NEK10: variants seen among roughly 807,000 people sequenced by gnomAD.
The protein encoded by NEK10 is NIMA related kinase 10, also known as serine/threonine-protein kinase Nek10.
A neutral mutation model predicts 159.8 loss-of-function variants in NEK10; 122 were observed. The observed-to-expected ratio is 0.76, with a 90% CI of 0.66 to 0.89. The LOEUF is 0.89. Ranked by LOEUF, NEK10 falls within the 40% of genes least tolerant of loss-of-function variation. The pLI is 0.00. For missense variants in NEK10, 1,342 were observed against 1,323.1 expected, an observed-to-expected ratio of 1.01 and a Z score of -0.22; for synonymous variants, 466 against 457.1, an observed-to-expected ratio of 1.02 and a Z score of -0.25.
At chr3:27,157,272 A>C (rs972638999) in intron 30 of NEK10, among the ~76,000 whole-genome samples, 1 of 151,834 alleles carries the variant, frequency 6.6e-6, no homozygotes, top group Admixed American at 6.6e-5. Flanking sequence ...CTCACAAATC[A>C]CCACTAAAGA....
chr3:27,158,119 C>G lies in NEK10; in HGVS notation c.2869+4582G>C, dbSNP rs561739613. Reference sequence around the variant, plus strand: ...TTATTGCTGTTGGCCGGGACGGAACCTGCAATATCTGTGAGATACACCTAT... The same window carrying G: ...TTATTGCTGTTGGCCGGGACGGAACGTGCAATATCTGTGAGATACACCTAT... On this transcript the variant is annotated intron_variant, in intron 30 of 35. Transcript: ENST00000691995. Among the ~76,000 whole-genome samples the G allele has an allele frequency of 3.3e-5, 5 of 152,198 alleles. No individual in the cohort carries two copies. The South Asian group carries it at 1.0e-3, about 32-fold the overall frequency.
intron 1 of NEK10, among the ~76,000 whole-genome samples, chr3:27,368,712 TTAG>T (rs1234030641): frequency 1.3e-5 from 2 of 152,008 alleles, no homozygotes; most frequent in Non-Finnish European, 2.9e-5. Context: ...GGTCTGACAG[TTAG>T]TAGAGCAGGC....
chr3:27,251,953 C>G (rs1396856132), intron 23 of NEK10, among the ~76,000 whole-genome samples: 1 of 152,068 alleles, frequency 6.6e-6, no homozygotes, highest in Non-Finnish European at 1.5e-5. Context: ...TTTCTTCAGG[C>G]TTTATTAGGG....
intron 22 of NEK10, among the ~76,000 whole-genome samples, chr3:27,276,032 G>A (rs1412855285): frequency 2.6e-5 from 4 of 151,934 alleles, no homozygotes; most frequent in African/African-American, 7.3e-5. Flanking sequence ...GACAATCTTG[G>A]CTATCAGAAG....
At chr3:27,243,049 A>AT (rs1954720536) in intron 23 of NEK10, among the ~76,000 whole-genome samples, 1 of 152,100 alleles carries the variant, frequency 6.6e-6, no homozygotes, top group Admixed American at 6.5e-5. Context: ...GTTTTAAAGG[A>AT]TTTTTTTAAA....
chr3:27,289,884 C>T (rs2149485097), intron 19 of NEK10, among the ~76,000 whole-genome samples: 1 of 152,280 alleles, frequency 6.6e-6, no homozygotes, highest in Middle Eastern at 3.4e-3. Flanking sequence ...ACAAAGGTCT[C>T]CTTGTTTATG....
At chr3:27,217,332 C>T (rs377058275) in intron 23 of NEK10, among the ~76,000 whole-genome samples, 2 of 152,136 alleles carry the variant, frequency 1.3e-5, no homozygotes, top group Non-Finnish European at 2.9e-5. Flanking sequence ...TTTTAAGTGG[C>T]GCACAGGCTA....
intron 31 of NEK10, 136 bp from the exon 32 acceptor site, chr3:27,132,126 A>G (rs1438045453): frequency 4.7e-6 from 2 of 429,306 alleles, no homozygotes; most frequent in African/African-American, 4.1e-5. Flanking sequence ...TTTACTGCAA[A>G]TAGCATGACT....
rs2045688223 is a variant in NEK10 at position 27,322,169 on chromosome 3, C to G, written c.447+8G>C. ...AGTAAAAAAAAAAATTGTATTTTTC[C>G]AACCAACCTGATAACATGGATCCCT... On this transcript the variant is annotated splice_region_variant and intron_variant, in intron 6 of 35. Transcript: ENST00000691995. 1 of 1,479,950 alleles carries G rather than the reference C, an allele frequency of 6.8e-7. No homozygotes were observed. The highest frequency in any genetic ancestry group is 1.3e-5 in the South Asian group (1 of 78,100). The allele number at this position is 1,479,950 out of a possible 1,614,324, so 91.7% of individuals were successfully genotyped here.
chr3:27,288,837 T>C (rs2042800018), intron 19 of NEK10, among the ~76,000 whole-genome samples: 1 of 152,182 alleles, frequency 6.6e-6, no homozygotes, highest in South Asian at 2.1e-4. Flanking sequence ...TTTTTGGTCT[T>C]TCTGCACGTC....
At chr3:27,305,313 C>A (rs2044149030) in intron 11 of NEK10, among the ~76,000 whole-genome samples, 2 of 152,180 alleles carry the variant, frequency 1.3e-5, no homozygotes, top group South Asian at 2.1e-4. Flanking sequence ...TTGCAGACCA[C>A]TGTTCTAAAT....
chr3:27,222,179 C>T (rs574561369), intron 23 of NEK10, among the ~76,000 whole-genome samples: 5 of 152,122 alleles, frequency 3.3e-5, no homozygotes, highest in Non-Finnish European at 7.4e-5. Context: ...TCAAGACCAG[C>T]CTGACCAATA....
At chr3:27,349,470 A>G (rs1410351550) in intron 3 of NEK10, among the ~76,000 whole-genome samples, 2 of 152,018 alleles carry the variant, frequency 1.3e-5, no homozygotes, top group Non-Finnish European at 2.9e-5. Flanking sequence ...CTTGCCTTAT[A>G]CCATAATTAT....
At chr3:27,197,698 A>G (rs113404295) in intron 25 of NEK10, among the ~76,000 whole-genome samples, 75 of 152,270 alleles carry the variant, frequency 4.9e-4, no homozygotes, top group African/African-American at 1.6e-3. Context: ...TAGATACAGG[A>G]TAATGTCATC....
chr3:27,198,270 A>C (rs1373020649), intron 25 of NEK10, among the ~76,000 whole-genome samples: 1 of 152,110 alleles, frequency 6.6e-6, no homozygotes, highest in African/African-American at 2.4e-5. Flanking sequence ...CACCACTAAA[A>C]AAAGGATTTT....
intron 25 of NEK10, among the ~76,000 whole-genome samples, chr3:27,200,947 G>C (rs895262107): frequency 4.6e-5 from 7 of 152,000 alleles, no homozygotes; most frequent in African/African-American, 1.5e-4. Context: ...GAAGTGGGAG[G>C]GAGCATGGGT....
chr3:27,158,019 A>G (rs1185631183), intron 30 of NEK10, among the ~76,000 whole-genome samples: 1 of 152,182 alleles, frequency 6.6e-6, no homozygotes, highest in Non-Finnish European at 1.5e-5. Context: ...TAGACTTAGT[A>G]TAGTGTAAAC....
chr3:27,210,349 C>T (rs1243052501), intron 23 of NEK10, among the ~76,000 whole-genome samples: 3 of 152,130 alleles, frequency 2.0e-5, no homozygotes, highest in Non-Finnish European at 2.9e-5. Context: ...CTCATAATAA[C>T]TCATGAATTC....
At chr3:27,226,688 C>T (rs929058869) in intron 23 of NEK10, among the ~76,000 whole-genome samples, 23 of 152,052 alleles carry the variant, frequency 1.5e-4, no homozygotes, top group Non-Finnish European at 2.2e-4. Flanking sequence ...TAAAAGAAAA[C>T]ATTCCCTGGC....
Sources: allele counts gnomAD v4.1 joint callset (sites outside exome capture counted in the v4.1 genomes callset), GRCh38; gene constraint gnomAD v4.1.1; transcripts MANE v1.5; gene names NCBI Gene and HGNC (gene_info 2026-07-23, HGNC 2026-07-21).